GINS1: variants seen among roughly 807,000 people sequenced by gnomAD.
GINS1 encodes GINS complex subunit 1.
Under a neutral mutation model 34.9 loss-of-function variants are expected in GINS1, and 26 were observed. The ratio of observed to expected loss-of-function variants is 0.74; its 90% CI spans 0.55 to 1.03. The LOEUF (loss-of-function observed/expected upper bound fraction) is 1.03, where lower values mean the gene tolerates loss of function less well. GINS1 is among the 50% of genes least tolerant of loss of function. The probability of loss-of-function intolerance (pLI) is 0.00; values close to 1 mark genes in which losing one functional copy is unlikely to be tolerated. For synonymous variants in GINS1, 97 were observed against 84.4 expected, an observed-to-expected ratio of 1.15 and a Z score of -0.82; for missense variants, 235 against 237.9, an observed-to-expected ratio of 0.99 and a Z score of 0.08.
chr20:25,428,397 CTTTTTTTTTT>C lies in GINS1; in HGVS notation c.447+3085_447+3094del, dbSNP rs544831869. On this transcript the variant is annotated intron_variant, in intron 5 of 6. Coordinates refer to ENST00000262460, the MANE Select transcript of GINS1 (RefSeq NM_021067.5). Reference sequence around the variant, plus strand: ...AAATCTAGCTTTCCAAGCATAATTTCTTTTTTTTTTTTTTTTTTTTTTTTGAGACAGAGTC... The same window carrying C: ...AAATCTAGCTTTCCAAGCATAATTTCTTTTTTTTTTTTTTGAGACAGAGTC... Among the ~76,000 whole-genome samples the C allele has an allele frequency of 4.8e-3, 322 of 66,578 alleles. 6 individuals are homozygous for C. The East Asian group carries it at 0.1, about 22-fold the overall frequency. 43.7% of individuals were successfully genotyped at this position (66,578 alleles called of 152,430 possible). A position where few individuals can be genotyped will look rare whatever the true frequency, so the allele number is the denominator to read the frequency against.
intron 1 of GINS1, 181 bp from the exon 2 acceptor site, chr20:25,413,609 C>G: frequency 1.7e-6 from 1 of 579,762 alleles, no homozygotes; most frequent in African/African-American, 1.9e-5. Context: ...CAGCAATGTA[C>G]GAGGGTTCCA....
intron 5 of GINS1, among the ~76,000 whole-genome samples, chr20:25,429,864 A>G (rs2090417445): frequency 6.6e-6 from 1 of 152,226 alleles, no homozygotes; most frequent in African/African-American, 2.4e-5. Flanking sequence ...AGAAGTGGCA[A>G]AAGCAGAAAT....
At chr20:25,433,949 GT>G (rs1161858708) in intron 5 of GINS1, among the ~76,000 whole-genome samples, 1 of 151,946 alleles carries the variant, frequency 6.6e-6, no homozygotes, top group Non-Finnish European at 1.5e-5. Context: ...ACTAATCAAT[GT>G]TTTTTTAAAT....
chr20:25,438,370 AG>A (rs1362577267), intron 5 of GINS1, among the ~76,000 whole-genome samples: 2 of 152,110 alleles, frequency 1.3e-5, no homozygotes, highest in Non-Finnish European at 1.5e-5. Context: ...GACTACTGGA[AG>A]GATATGGGGG....
intron 5 of GINS1, among the ~76,000 whole-genome samples, chr20:25,437,020 A>C (rs574853488): frequency 4.6e-4 from 70 of 152,182 alleles, no homozygotes; most frequent in Non-Finnish European, 5.7e-4. Flanking sequence ...CTTAGAATCA[A>C]CCTGAGGTAT....
intron 4 of GINS1, among the ~76,000 whole-genome samples, chr20:25,423,292 T>C (rs2090367957): frequency 6.6e-6 from 1 of 151,100 alleles, no homozygotes; most frequent in South Asian, 2.1e-4. Flanking sequence ...TTTTGTATTA[T>C]TAGTGGAGGT....
intron 2 of GINS1, among the ~76,000 whole-genome samples, chr20:25,415,210 T>G (rs2090312771): frequency 6.6e-6 from 1 of 152,184 alleles, no homozygotes; most frequent in Admixed American, 6.5e-5. Context: ...TAAGGAGAGA[T>G]ACAGAAAAAT....
At chr20:25,441,633 T>C in intron 5 of GINS1, 69 bp from the exon 6 acceptor site, 1 of 751,456 alleles carries the variant, frequency 1.3e-6, no homozygotes, top group Non-Finnish European at 2.3e-6. Context: ...TGTATAATGC[T>C]GATTTATTTT....
chr20:25,415,560 C>G (rs1041108729), intron 2 of GINS1, among the ~76,000 whole-genome samples: 2 of 152,002 alleles, frequency 1.3e-5, no homozygotes, highest in Admixed American at 1.3e-4. Context: ...TGGCGCATGC[C>G]TGTAATCCCA....
At chr20:25,443,477 T>C (rs2090493798) in intron 6 of GINS1, among the ~76,000 whole-genome samples, 1 of 43,294 alleles carries the variant, frequency 2.3e-5, no homozygotes, top group African/African-American at 8.6e-5. Flanking sequence ...GTTGAATTTC[T>C]TTTTTTTTTT....
intron 5 of GINS1, among the ~76,000 whole-genome samples, chr20:25,435,784 AAAAAC>A (rs2090451509): frequency 1.6e-5 from 2 of 122,724 alleles, no homozygotes; most frequent in Admixed American, 8.0e-5. Context: ...AAAAAAAAAA[AAAAAC>A]CAACTTTTTG....
intron 2 of GINS1, among the ~76,000 whole-genome samples, chr20:25,415,108 T>C (rs992485693): frequency 2.0e-5 from 3 of 152,222 alleles, no homozygotes; most frequent in African/African-American, 7.2e-5. Flanking sequence ...CTACAGTGTT[T>C]TTATCAGTTA....
At chr20:25,444,317 A>G (rs1310064626) in intron 6 of GINS1, among the ~76,000 whole-genome samples, 1 of 152,154 alleles carries the variant, frequency 6.6e-6, no homozygotes, top group Non-Finnish European at 1.5e-5. Context: ...CTGGCTGGGA[A>G]ACATTTTCTA....
Position 25,425,295 on chromosome 20 carries a change from G to C in GINS1, c.415G>C (p.Asp139His). The stretch of plus-strand genomic sequence containing the variant: ...AGATGAAGGTTTGGACATTACACAG[G>C]ATATGAAACCACCAAAAAGCCTATA... ...GGDEGLDITQ[D>H]MKPPKSLYIE... Residue 139 changes from aspartate to histidine, a missense_variant, in exon 5 of 7, where the codon GAT becomes CAT. Physicochemically the swap from Asp to His is moderately conservative, Grantham distance 81. Transcript: ENST00000262460. 6.5e-7 allele frequency: 1 copy of C among 1,529,506 alleles called. No individual in the cohort carries two copies. The highest frequency in any genetic ancestry group is 9.1e-7 in the Non-Finnish European group (1 of 1,104,272). 94.7% of individuals were successfully genotyped at this position (1,529,506 alleles called of 1,614,324 possible).
In GINS1 at chr20:25,441,886, C is replaced by T; in HGVS notation, c.522+110C>T. The T allele has an allele frequency of 4.8e-6, 3 of 627,974 alleles. No individual in the cohort carries two copies. The South Asian group carries it at 6.1e-5, about 13-fold the overall frequency. 38.9% of individuals were successfully genotyped at this position (627,974 alleles called of 1,614,324 possible). On this transcript the variant is annotated intron_variant, in intron 6 of 6. Transcript: ENST00000262460. ...TTTTGATGATCGTTTATATATTAGG[C>T]ATTATCTTTTAGTATAATATACCCT...
At chr20:25,419,298 A>G (rs984847416) in intron 4 of GINS1, among the ~76,000 whole-genome samples, 1 of 152,038 alleles carries the variant, frequency 6.6e-6, no homozygotes, top group Admixed American at 6.6e-5. Flanking sequence ...ATGTATACCT[A>G]TGTAACAAAC....
chr20:25,444,678 C>T (rs1180585036), intron 6 of GINS1, among the ~76,000 whole-genome samples: 1 of 152,176 alleles, frequency 6.6e-6, no homozygotes, highest in Admixed American at 6.5e-5. Context: ...AACCTCCCTC[C>T]TCCAAGGCAG....
chr20:25,445,246 G>T (rs2090504544), intron 6 of GINS1, among the ~76,000 whole-genome samples: 1 of 152,130 alleles, frequency 6.6e-6, no homozygotes, highest in East Asian at 1.9e-4. Flanking sequence ...CCAGGCTGGA[G>T]TGCAATGGCA....
Position 25,418,136 on chromosome 20 carries a change from A to G in GINS1, c.271A>G (p.Arg91Gly). The stretch of plus-strand genomic sequence containing the variant: ...CCGCTTGCTTCGGATCAGAGCACTC[A>G]GATGGGAATATGGTAGCGTCTTGCC... ...YDRLLRIRAL[R>G]WEYGSVLPNA... Residue 91 changes from arginine (R) to glycine (G), a missense_variant, in exon 4 of 7, where the codon AGA becomes GGA. Arg to Gly is a moderately radical substitution (Grantham distance 125). Transcript: ENST00000262460. 1.9e-6 allele frequency: 3 copies of G among 1,604,738 alleles called. No individual in the cohort carries two copies. The highest frequency in any genetic ancestry group is 2.6e-6 in the Non-Finnish European group (3 of 1,171,258).
Sources: gnomAD v4.1 joint callset for allele counts (sites outside exome capture counted in the v4.1 genomes callset) on GRCh38, gnomAD v4.1.1 for gene constraint, MANE v1.5 for transcripts, NCBI Gene and HGNC (gene_info 2026-07-23, HGNC 2026-07-21) for gene names.